Variants in NDUFB10 observed in about 807,000 individuals in gnomAD.
The protein encoded by NDUFB10 is NADH:ubiquinone oxidoreductase subunit B10.
NDUFB10 carries 23 observed loss-of-function variants against 19.0 expected under a neutral mutation model. The ratio of observed to expected loss-of-function variants is 1.21; its 90% CI spans 0.87 to 1.71. The LOEUF is 1.71. Among genes scored for constraint, NDUFB10 ranks in the 40% most tolerant of loss-of-function variants. The pLI is 0.00. For missense variants in NDUFB10, 312 were observed against 230.6 expected (o/e 1.35, Z -2.29); for synonymous variants, 104 against 81.8 (o/e 1.27, Z -1.46).
At chr16:1,959,991 GC>G (rs952641713) in intron 1 of NDUFB10, among the ~76,000 whole-genome samples, 3 of 151,512 alleles carry the variant, frequency 2.0e-5, no homozygotes, top group Non-Finnish European at 2.9e-5. Flanking sequence ...ACCCCGGGAT[GC>G]CCCGCTTCTT....
At position 1,960,564 on chromosome 16, in the gene NDUFB10, G is replaced by A. The variant is rs145867084; in HGVS notation, c.131-589G>A. 5.7e-3 allele frequency among the ~76,000 whole-genome samples: 863 copies of A among 152,302 alleles called. 3 individuals carry two copies. Among genetic ancestry groups the A allele is most frequent in the Non-Finnish European group, 9.2e-3 (629 of 68,030 alleles). On this transcript the variant is annotated intron_variant, in intron 1 of 3. Transcript: ENST00000268668. ...ACACTTGGGGTGCATAGCATGCTCTGGTGGTTCTTCCGTAAGAGGGTGAAG... is the reference window on the plus strand; with the variant it reads ...ACACTTGGGGTGCATAGCATGCTCTAGTGGTTCTTCCGTAAGAGGGTGAAG...
chr16:1,960,556 C>T (rs1418042463), intron 1 of NDUFB10, among the ~76,000 whole-genome samples: 1 of 152,210 alleles, frequency 6.6e-6, no homozygotes, highest in East Asian at 1.9e-4. Context: ...GGGTGCATAG[C>T]ATGCTCTGGT....
intron 1 of NDUFB10, among the ~76,000 whole-genome samples, chr16:1,960,846 GT>G (rs1010024741): frequency 6.6e-6 from 1 of 152,186 alleles, no homozygotes; most frequent in Admixed American, 6.5e-5. Context: ...GCAGAGCTGC[GT>G]CCCAGTCCTT....
chr16:1,961,008 TTAGA>T (rs2150870808), intron 1 of NDUFB10, 141 bp from the exon 2 acceptor site: 1 of 1,035,250 alleles, frequency 9.7e-7, no homozygotes, highest in African/African-American at 1.6e-5. Context: ...GCCACATCCC[TTAGA>T]GAGACGAATT....
At chr16:1,960,498 G>A (rs1327973508) in intron 1 of NDUFB10, among the ~76,000 whole-genome samples, 1 of 152,208 alleles carries the variant, frequency 6.6e-6, no homozygotes, top group Non-Finnish European at 1.5e-5. Flanking sequence ...TGGGATTACA[G>A]GCCTGAGCCA....
At chr16:1,961,765 C>T (rs774039192) in intron 3 of NDUFB10, 32 bp from the exon 4 acceptor site, 98 of 1,545,736 alleles carry the variant, frequency 6.3e-5, no homozygotes, top group Non-Finnish European at 5.6e-5. Context: ...GCAGAGGCCT[C>T]GGTTCCCAGC....
intron 3 of NDUFB10, 46 bp from the exon 4 acceptor site, chr16:1,961,751 T>A (rs1306797474): frequency 2.0e-6 from 3 of 1,532,518 alleles, no homozygotes; most frequent in Non-Finnish European, 8.8e-7. Context: ...CCCCTTTGCA[T>A]GTAGCAGAGG....
Position 1,961,534 on chromosome 16 carries a change from C to A in NDUFB10, c.307C>A (p.Arg103=). The A allele has an allele frequency of 6.2e-7, 1 of 1,614,052 alleles. No homozygotes were observed. The highest frequency in any genetic ancestry group is 8.5e-7 in the Non-Finnish European group (1 of 1,180,010). The part of the protein sequence containing the change: ...DQEIINIMQD[R]LKACQQREGQ... The stretch of plus-strand genomic sequence containing the variant: ...AGAAATTATCAACATTATGCAGGAT[C>A]GGCTCAAAGCCTGTCAGCAGAGGGA... The change falls in exon 3 of 4, where the codon CGG becomes AGG. Residue 103 remains arginine (R), a synonymous_variant. Coordinates refer to ENST00000268668, the MANE Select transcript of NDUFB10 (RefSeq NM_004548.3).
At chr16:1,960,412 G>A (rs559271964) in intron 1 of NDUFB10, among the ~76,000 whole-genome samples, 1 of 152,038 alleles carries the variant, frequency 6.6e-6, no homozygotes, top group Admixed American at 6.5e-5. Context: ...TAGTAGACAC[G>A]GGGTTTCACC....
Position 1,959,762 on chromosome 16 carries a change from G to A in NDUFB10, c.130+8G>A, listed in dbSNP as rs1019889319. On this transcript the variant is annotated splice_region_variant and intron_variant, in intron 1 of 3. Coordinates refer to ENST00000268668, the MANE Select transcript of NDUFB10 (RefSeq NM_004548.3). ...CCGTGACCCTCGTGAGAGGTACGAA[G>A]CCCCAGCCCGGGGCTCCCTCGCCGG... 6.2e-6 allele frequency: 10 copies of A among 1,612,648 alleles called. No individual in the cohort carries two copies. In the African/African-American group the frequency reaches 8.0e-5, roughly 13 times the overall value.
At position 1,961,806 on chromosome 16, in the gene NDUFB10, T is replaced by C. The variant is rs778306897; in HGVS notation, c.419T>C (p.Leu140Pro). 8 of 1,554,908 alleles carry C rather than the reference T, an allele frequency of 5.1e-6. No individual in the cohort carries two copies. The highest frequency in any genetic ancestry group is 6.1e-6 in the Non-Finnish European group (7 of 1,148,548). ...AKAYQDRYQD[L>P]GAYSSARKCL... is the part of the protein sequence containing the mutation. ...TCCATTGCTTCCCCAGATCAGGACC[T>C]GGGGGCCTACAGTTCTGCCAGGAAG... is the stretch of plus-strand genomic sequence containing the variant. The change falls in exon 4 of 4, where the codon CTG becomes CCG. Residue 140 changes from leucine (L) to proline (P), a missense_variant. Physicochemically the swap from Leu to Pro is moderately conservative, Grantham distance 98. Coordinates refer to ENST00000268668, the MANE Select transcript of NDUFB10 (RefSeq NM_004548.3).
rs368831063 is a variant in NDUFB10, at chr16:1,961,565, A to C, written c.338A>C (p.Gln113Pro). 2.5e-6 allele frequency: 4 copies of C among 1,614,118 alleles called. No homozygotes were observed. The highest frequency in any genetic ancestry group is 3.4e-6 in the Non-Finnish European group (4 of 1,180,026). Residue 113 changes from glutamine (Q) to proline (P), a missense_variant, in exon 3 of 4, where the codon CAG (glutamine) becomes CCG (proline). Transcript: ENST00000268668. Reference protein sequence around the residue: ...RLKACQQREGQNYQQNCIKEV... With the variant: ...RLKACQQREGPNYQQNCIKEV... ...AAAGCCTGTCAGCAGAGGGAAGGAC[A>C]GAACTACCAGCAGAACTGTATCAAG... is the stretch of plus-strand genomic sequence containing the variant.
Position 1,961,867 on chromosome 16 carries a change from G to A in NDUFB10, c.480G>A (p.Glu160=), listed in dbSNP as rs1372549560. 12 of 1,565,792 alleles carry A rather than the reference G, an allele frequency of 7.7e-6. No individual in the cohort carries two copies. In the South Asian group the frequency reaches 1.3e-4, roughly 17 times the overall value. The change falls in exon 4 of 4, where the codon GAG becomes GAA. Residue 160 remains glutamate, a synonymous_variant. Transcript: ENST00000268668. ...AACAGAGGCAGAGGATGCTGCAAGA[G>A]AGAAAAGCTGCAAAAGAGGCCGCCG... ...LAKQRQRMLQ[E]RKAAKEAAAA...
Position 1,959,571 on chromosome 16 carries a change from G to T in NDUFB10, c.-54G>T, listed in dbSNP as rs187241525. On this transcript the variant is annotated 5_prime_UTR_variant, in exon 1 of 4. Transcript: ENST00000268668. ...CGACCTAGGCCGCGGGACCCGGACG[G>T]AGGTAGAGGCCAGGGCAGCGCGTCC... 24,544 of 1,556,160 alleles carry T rather than the reference G, an allele frequency of 0.016. 230 individuals carry two copies. The highest frequency in any genetic ancestry group is 0.019 in the Non-Finnish European group (21,965 of 1,149,114).
rs372530663 is a variant in NDUFB10, at chr16:1,961,165, G to A, written c.143G>A (p.Arg48Gln). 34 of 1,613,862 alleles carry A rather than the reference G, an allele frequency of 2.1e-5. No homozygotes were observed. Among genetic ancestry groups the A allele is most frequent in the South Asian group, 5.5e-5 (5 of 91,062 alleles). The change falls in exon 2 of 4, where the codon CGG becomes CAG. Residue 48 changes from arginine (R) to glutamine (Q), a missense_variant. Physicochemically the swap from Arg to Gln is conservative, Grantham distance 43. Transcript: ENST00000268668. ...TTTGTCTTTGCAGAATTTATAGAGC[G>A]GCAGCACGCAAAGAACAGGTATTAC... ...PVTLVREFIE[R>Q]QHAKNRYYYY...
intron 1 of NDUFB10, 36 bp from the exon 2 acceptor site, chr16:1,961,117 G>T: frequency 6.2e-7 from 1 of 1,610,694 alleles, no homozygotes; most frequent in Non-Finnish European, 8.5e-7. Context: ...TGTCCAAACC[G>T]ATGAGGCATT....
rs773469832 is a variant in NDUFB10, at chr16:1,961,461, T to TTG, written c.270-33_270-32dup. On this transcript the variant is annotated intron_variant, in intron 2 of 3. Transcript: ENST00000268668. Reference sequence around the variant, plus strand: ...TCACAGGGTACAGGAAAAGGATTCCTTGTGATTAGCCTCTCTTGCTCCTTT... The same window carrying TTG: ...TCACAGGGTACAGGAAAAGGATTCCTTGTGTGATTAGCCTCTCTTGCTCCTTT... 5.0e-6 allele frequency: 8 copies of TTG among 1,611,496 alleles called. No homozygotes were observed. In the South Asian group the frequency reaches 7.7e-5, roughly 16 times the overall value.
intron 1 of NDUFB10, among the ~76,000 whole-genome samples, chr16:1,960,887 C>T (rs568552892): frequency 1.3e-5 from 2 of 152,294 alleles, no homozygotes; most frequent in African/African-American, 4.8e-5. Flanking sequence ...TGCCTGTAGG[C>T]TTGTGTGGGG....
intron 2 of NDUFB10, 27 bp from the exon 3 acceptor site, chr16:1,961,470 G>A (rs1279668901): frequency 1.9e-6 from 3 of 1,612,838 alleles, no homozygotes; most frequent in Non-Finnish European, 2.5e-6. Flanking sequence ...CTTGTGATTA[G>A]CCTCTCTTGC....
Sources: gnomAD v4.1 joint callset for allele counts (sites outside exome capture counted in the v4.1 genomes callset) on GRCh38, gnomAD v4.1.1 for gene constraint, MANE v1.5 for transcripts, NCBI Gene and HGNC (gene_info 2026-07-23, HGNC 2026-07-21) for gene names.